Variants in SLC12A8 observed in about 807,000 individuals in gnomAD.
SLC12A8 encodes the protein solute carrier family 12 member 8.
Under a neutral mutation model 75.6 loss-of-function variants are expected in SLC12A8, and 69 were observed. That is an observed-to-expected ratio of 0.91 (90% CI 0.75 to 1.11). The LOEUF (loss-of-function observed/expected upper bound fraction) is 1.11, where lower values mean the gene tolerates loss of function less well. Ranked by LOEUF, SLC12A8 falls within the 50% of genes most tolerant of loss-of-function variation. SLC12A8 has a pLI of 0.00. For missense variants in SLC12A8, 877 were observed against 896.7 expected, an observed-to-expected ratio of 0.98 and a Z score of 0.28; for synonymous variants, 365 against 372.8, an observed-to-expected ratio of 0.98 and a Z score of 0.24.
At chr3:125,173,452 C>CAAAAAAAAA (rs61001520) in intron 5 of SLC12A8, among the ~76,000 whole-genome samples, 61 of 79,628 alleles carry the variant, frequency 7.7e-4, no homozygotes, top group Admixed American at 1.2e-3. Flanking sequence ...ATTCATGAGC[C>CAAAAAAAAA]AAAAAAAAAA....
intron 5 of SLC12A8, among the ~76,000 whole-genome samples, chr3:125,161,417 C>T (rs1200166958): frequency 6.6e-6 from 1 of 152,196 alleles, no homozygotes; most frequent in Non-Finnish European, 1.5e-5. Flanking sequence ...AAGGTCAAGT[C>T]GGTCTTGCTT....
rs780645856 is a variant in SLC12A8, at chr3:125,152,972, G to A, written c.623-17190C>T. On this transcript the variant is annotated intron_variant, in intron 5 of 13. Transcript: ENST00000469902. ...GGGAGGATGGGAGGAAGAAAGAAAG[G>A]GAGGCGGAACAGGTGTGTGTGCAGC... is the stretch of plus-strand genomic sequence containing the variant. Among the ~76,000 whole-genome samples the A allele has an allele frequency of 1.1e-4, 17 of 152,170 alleles. 1 individual carries two copies. The South Asian group carries it at 1.7e-3, about 15-fold the overall frequency.
At chr3:125,103,612 G>T (rs988706309) in intron 10 of SLC12A8, among the ~76,000 whole-genome samples, 5 of 151,846 alleles carry the variant, frequency 3.3e-5, no homozygotes, top group African/African-American at 1.2e-4. Context: ...CTACAGGCAT[G>T]TGTCATCACA....
At chr3:125,192,478 A>C (rs1291130987) in intron 2 of SLC12A8, 1 of 152,574 alleles carries the variant, frequency 6.6e-6, no homozygotes, top group Non-Finnish European at 1.5e-5. Context: ...CTGCGAATAC[A>C]TCTGCCTTAC....
rs1430708347 is a variant in SLC12A8, at chr3:125,177,796, A to G, written c.569T>C (p.Leu190Pro). The G allele has an allele frequency of 1.2e-6, 2 of 1,614,228 alleles. No homozygotes were observed. Among genetic ancestry groups the G allele is most frequent in the African/African-American group, 2.7e-5 (2 of 75,058 alleles). Reference protein sequence around the residue: ...IRLQLLLLFLLAVSTLDFVVG... With the variant: ...IRLQLLLLFLPAVSTLDFVVG... ...CACAAAGTCCAGTGTGGACACGGCC[A>G]GCAGGAACAGCAACAGCAGCTGGAG... The change falls in exon 5 of 14, where the codon CTG becomes CCG. Residue 190 changes from leucine (L) to proline (P), a missense_variant. Coordinates refer to ENST00000469902, the MANE Select transcript of SLC12A8 (RefSeq NM_024628.6).
At chr3:125,092,693 G>C (rs1354880237) in intron 10 of SLC12A8, among the ~76,000 whole-genome samples, 1 of 152,160 alleles carries the variant, frequency 6.6e-6, no homozygotes, top group East Asian at 1.9e-4. Flanking sequence ...GATGGAGGGA[G>C]AATAGCTCCT....
intron 6 of SLC12A8, among the ~76,000 whole-genome samples, chr3:125,131,373 C>T (rs555189718): frequency 6.6e-6 from 1 of 152,170 alleles, no homozygotes; most frequent in South Asian, 2.1e-4. Context: ...AATGCAGAAT[C>T]AAAAATTATT....
At chr3:125,145,477 A>G (rs1366578783) in intron 5 of SLC12A8, among the ~76,000 whole-genome samples, 1 of 152,264 alleles carries the variant, frequency 6.6e-6, no homozygotes, top group Non-Finnish European at 1.5e-5. Flanking sequence ...ATAAAAAGGA[A>G]TGAATTTCTG....
At chr3:125,106,352 G>A (rs1056129688) in intron 10 of SLC12A8, among the ~76,000 whole-genome samples, 2 of 149,652 alleles carry the variant, frequency 1.3e-5, no homozygotes, top group Non-Finnish European at 3.0e-5. Context: ...GGTTTTTGGG[G>A]TTTTTTGTTG....
At chr3:125,178,813 G>T (rs1200265705) in intron 4 of SLC12A8, among the ~76,000 whole-genome samples, 5 of 151,960 alleles carry the variant, frequency 3.3e-5, no homozygotes, top group African/African-American at 1.2e-4. Context: ...CATCTTACTG[G>T]CTCCTCCATT....
intron 5 of SLC12A8, among the ~76,000 whole-genome samples, chr3:125,141,273 T>G (rs1336387070): frequency 6.6e-6 from 1 of 152,212 alleles, no homozygotes; most frequent in Non-Finnish European, 1.5e-5. Context: ...GGCTTGATCT[T>G]TCCACCCGGA....
At chr3:125,154,301 G>A (rs976566496) in intron 5 of SLC12A8, among the ~76,000 whole-genome samples, 11 of 152,146 alleles carry the variant, frequency 7.2e-5, no homozygotes, top group Admixed American at 2.0e-4. Flanking sequence ...AAGAGCAGGC[G>A]GCCCCAGCAG....
chr3:125,101,965 C>T (rs1285511716), intron 10 of SLC12A8, among the ~76,000 whole-genome samples: 1 of 152,066 alleles, frequency 6.6e-6, no homozygotes, highest in Non-Finnish European at 1.5e-5. Context: ...AGTTTGAAAA[C>T]AAAGGAATCT....
chr3:125,106,405 C>G (rs954319184), intron 10 of SLC12A8, among the ~76,000 whole-genome samples: 1 of 151,806 alleles, frequency 6.6e-6, no homozygotes, highest in Non-Finnish European at 1.5e-5. Flanking sequence ...CTCTGTCACC[C>G]AGGCTGGAGT....
chr3:125,087,420 G>A (rs1938488515), intron 13 of SLC12A8, among the ~76,000 whole-genome samples: 2 of 152,014 alleles, frequency 1.3e-5, no homozygotes, highest in African/African-American at 4.8e-5. Flanking sequence ...TTAAAATGAG[G>A]AGAAAAAAGG....
At position 125,212,635 on chromosome 3, in the gene SLC12A8, CG is replaced by C. The variant is rs1935360265; in HGVS notation, c.-46+64del. 3 of 152,480 alleles carry C rather than the reference CG, an allele frequency of 2.0e-5. No homozygotes were observed. In the South Asian group the frequency reaches 6.2e-4, roughly 32 times the overall value. The allele number at this position is 152,480 out of a possible 1,614,324, so 9.4% of individuals were successfully genotyped here. A position where few individuals can be genotyped will look rare whatever the true frequency, so the allele number is the denominator to read the frequency against. On this transcript the variant is annotated intron_variant, in intron 1 of 13. Coordinates refer to ENST00000469902, the MANE Select transcript of SLC12A8 (RefSeq NM_024628.6). ...TGACCCCAGGCCTGGCTCCTAACTG[CG>C]GGCCGGGGAGAGGAACTGTCCCGAG...
intron 8 of SLC12A8, among the ~76,000 whole-genome samples, chr3:125,110,905 T>G (rs561075300): frequency 2.6e-5 from 4 of 152,256 alleles, no homozygotes; most frequent in African/African-American, 9.6e-5. Context: ...TGTGACCTCT[T>G]TAGCTCCACA....
chr3:125,130,827 C>T (rs12233556), intron 6 of SLC12A8, among the ~76,000 whole-genome samples: 18,867 of 152,066 alleles, frequency 0.12, 1,653 homozygotes, highest in East Asian at 0.35. Flanking sequence ...GAAAGCCAGC[C>T]GTGGGAGCAG....
chr3:125,118,982 AAGCTTCCCC>A, intron 7 of SLC12A8, 126 bp from the exon 8 acceptor site: 1 of 621,404 alleles, frequency 1.6e-6, no homozygotes. Flanking sequence ...GCCAGTCATG[AAGCTTCCCC>A]AGCTGGCTTG....
Sources: gnomAD v4.1 joint callset for allele counts (sites outside exome capture counted in the v4.1 genomes callset) on GRCh38, gnomAD v4.1.1 for gene constraint, MANE v1.5 for transcripts, NCBI Gene and HGNC (gene_info 2026-07-23, HGNC 2026-07-21) for gene names.